Variants in SNX24 observed in about 807,000 individuals in gnomAD.
SNX24 encodes sorting nexin 24.
Under a neutral mutation model 28.7 loss-of-function variants are expected in SNX24, and 22 were observed. The observed-to-expected ratio is 0.77, with a 90% CI of 0.55 to 1.10. The LOEUF (loss-of-function observed/expected upper bound fraction) is 1.10, where lower values mean the gene tolerates loss of function less well. Among genes scored for constraint, SNX24 ranks in the 50% least tolerant of loss-of-function variants. The pLI, the probability that SNX24 is intolerant of heterozygous loss-of-function variation, is 0.00. For missense variants in SNX24, 221 were observed against 201.1 expected (o/e 1.10, Z -0.60); for synonymous variants, 69 against 71.5 (o/e 0.96, Z 0.18).
chr5:122,978,327 C>T (rs555657919), intron 3 of SNX24, among the ~76,000 whole-genome samples: 2 of 152,304 alleles, frequency 1.3e-5, no homozygotes, highest in African/African-American at 4.8e-5. Flanking sequence ...ATAAGTAACT[C>T]TTGTCACTTT....
chr5:122,857,863 A>C (rs776923767), intron 1 of SNX24, among the ~76,000 whole-genome samples: 1 of 151,756 alleles, frequency 6.6e-6, no homozygotes, highest in South Asian at 2.1e-4. Flanking sequence ...GCTCACTGCA[A>C]CCTCCGCCTC....
At chr5:123,000,197 G>A (rs1219357296) in intron 4 of SNX24, among the ~76,000 whole-genome samples, 191 bp downstream of exon 4, 6 of 152,164 alleles carry the variant, frequency 3.9e-5, no homozygotes, top group Non-Finnish European at 8.8e-5. Context: ...CCCATCTTGC[G>A]GCCAAATGGC....
intron 3 of SNX24, among the ~76,000 whole-genome samples, chr5:122,995,115 A>G (rs765017257): frequency 6.6e-6 from 1 of 152,240 alleles, no homozygotes; most frequent in African/African-American, 2.4e-5. Flanking sequence ...AAGTCAATTA[A>G]AGAGTCCAGG....
chr5:122,890,912 A>G lies in SNX24; in HGVS notation c.60+45219A>G, dbSNP rs542742986. On this transcript the variant is annotated intron_variant, in intron 1 of 6. Coordinates refer to ENST00000261369, the MANE Select transcript of SNX24 (RefSeq NM_014035.4). The stretch of plus-strand genomic sequence containing the variant: ...TACCTTTTCAGAAACAGGAATTGTT[A>G]ATTAAAATTTTTATCCCTTCAAGAT... The G allele has an allele frequency of 1.3e-5, 14 of 1,042,486 alleles. No homozygotes were observed. The East Asian group carries it at 4.2e-4, about 31-fold the overall frequency. 64.6% of individuals were successfully genotyped at this position (1,042,486 alleles called of 1,614,324 possible).
At chr5:122,943,323 C>T (rs1472442081) in intron 2 of SNX24, among the ~76,000 whole-genome samples, 1 of 152,184 alleles carries the variant, frequency 6.6e-6, no homozygotes, top group East Asian at 1.9e-4. Flanking sequence ...TGTACTCCTT[C>T]CTTCTCTTTT....
chr5:122,897,789 A>G (rs1367579128), intron 1 of SNX24, among the ~76,000 whole-genome samples: 1 of 152,174 alleles, frequency 6.6e-6, no homozygotes, highest in East Asian at 1.9e-4. Context: ...TATCTTGTAT[A>G]ATCCTACAGT....
At chr5:122,872,965 TTTTTTGG>T in intron 1 of SNX24, among the ~76,000 whole-genome samples, 1 of 151,994 alleles carries the variant, frequency 6.6e-6, no homozygotes, top group Non-Finnish European at 1.5e-5. Flanking sequence ...CAGAGGTTAG[TTTTTTGG>T]TTTTTGGTTT....
chr5:123,007,815 A>T lies in SNX24; in HGVS notation c.*66A>T. ...GTCACAGTCAAGGAAATCAATACCT[A>T]CCAATTTAACCTAAACGCTATGATA... is the stretch of plus-strand genomic sequence containing the variant. On this transcript the variant is annotated 3_prime_UTR_variant, in exon 7 of 7. Transcript: ENST00000261369. 1 of 1,571,394 alleles carries T rather than the reference A, an allele frequency of 6.4e-7. No homozygotes were observed. The highest frequency in any genetic ancestry group is 8.6e-7 in the Non-Finnish European group (1 of 1,167,092).
intron 1 of SNX24, among the ~76,000 whole-genome samples, chr5:122,861,172 T>G (rs1284059620): frequency 2.0e-5 from 3 of 151,954 alleles, no homozygotes; most frequent in Admixed American, 6.6e-5. Flanking sequence ...AAACCCTGTC[T>G]CTACTAAAAA....
intron 5 of SNX24, among the ~76,000 whole-genome samples, chr5:123,021,778 G>A (rs958263836): frequency 3.9e-5 from 6 of 152,132 alleles, no homozygotes; most frequent in Middle Eastern, 3.4e-3. Flanking sequence ...ACCTCTGACC[G>A]CGCCCCTATC....
chr5:122,932,689 T>C (rs1295742400), intron 1 of SNX24, among the ~76,000 whole-genome samples: 1 of 152,030 alleles, frequency 6.6e-6, no homozygotes, highest in East Asian at 1.9e-4. Context: ...AATCCCCATC[T>C]CTACTAAAAA....
chr5:122,984,349 C>T (rs1315672814), intron 3 of SNX24, among the ~76,000 whole-genome samples: 2 of 152,104 alleles, frequency 1.3e-5, no homozygotes, highest in African/African-American at 4.8e-5. Flanking sequence ...ATTGATCCTT[C>T]TTTTTTCTTT....
intron 2 of SNX24, among the ~76,000 whole-genome samples, chr5:122,941,788 G>T (rs2150121676): frequency 6.6e-6 from 1 of 152,324 alleles, no homozygotes; most frequent in Non-Finnish European, 1.5e-5. Flanking sequence ...TAGAGGATCA[G>T]TTTCTACTGT....
chr5:122,987,809 A>G (rs914230868), intron 3 of SNX24, among the ~76,000 whole-genome samples: 1 of 152,238 alleles, frequency 6.6e-6, no homozygotes, highest in Non-Finnish European at 1.5e-5. Context: ...ATTGGCCCAC[A>G]GAGATAGTGC....
chr5:123,009,279 ATATGTG>A, downstream of SNX24: 17 of 946,214 alleles, frequency 1.8e-5, no homozygotes, highest in Non-Finnish European at 2.1e-5. Context: ...ACACACACAC[ATATGTG>A]CACACACAAA....
intron 3 of SNX24, among the ~76,000 whole-genome samples, chr5:122,947,131 A>G (rs1449903368): frequency 6.6e-6 from 1 of 152,124 alleles, no homozygotes; most frequent in Non-Finnish European, 1.5e-5. Flanking sequence ...TTAATGATTG[A>G]CCCATCTAAG....
At chr5:123,006,248 T>C (rs901724103) in intron 6 of SNX24, among the ~76,000 whole-genome samples, 2 of 152,224 alleles carry the variant, frequency 1.3e-5, no homozygotes, top group African/African-American at 4.8e-5. Flanking sequence ...ACAGAGTTGA[T>C]GATCTTCTAT....
chr5:122,903,589 G>A (rs1757530339), intron 1 of SNX24, among the ~76,000 whole-genome samples: 1 of 152,138 alleles, frequency 6.6e-6, no homozygotes, highest in Non-Finnish European at 1.5e-5. Flanking sequence ...ACACTGCTCA[G>A]CTCATCTTTG....
intron 5 of SNX24, among the ~76,000 whole-genome samples, chr5:123,019,345 CA>C (rs1221192397): frequency 1.3e-5 from 2 of 148,650 alleles, no homozygotes; most frequent in African/African-American, 4.9e-5. Flanking sequence ...CTTTCTAGAT[CA>C]AAGATTTCTT....
Sources: gnomAD v4.1 joint callset for allele counts (sites outside exome capture counted in the v4.1 genomes callset) on GRCh38, gnomAD v4.1.1 for gene constraint, MANE v1.5 for transcripts, NCBI Gene and HGNC (gene_info 2026-07-23, HGNC 2026-07-21) for gene names.